Variants in ZNF683 observed in about 807,000 individuals in gnomAD.
ZNF683 encodes zinc finger protein 683.
A neutral mutation model predicts 31.4 loss-of-function variants in ZNF683; 20 were observed. The ratio of observed to expected loss-of-function variants is 0.64; its 90% CI spans 0.45 to 0.93. ZNF683 has a LOEUF of 0.93. ZNF683 is among the 40% of genes least tolerant of loss of function. The pLI is 0.00. For synonymous variants in ZNF683, 264 were observed against 267.6 expected, an observed-to-expected ratio of 0.99 and a Z score of 0.13; for missense variants, 621 against 637.2, an observed-to-expected ratio of 0.97 and a Z score of 0.27.
intron 3 of ZNF683, 61 bp downstream of exon 3, chr1:26,367,532 C>T (rs925357134): frequency 1.5e-5 from 22 of 1,449,916 alleles, no homozygotes; most frequent in Non-Finnish European, 2.0e-5. Flanking sequence ...CCAAACCTAG[C>T]AGTGCCCCCC....
Position 26,367,789 on chromosome 1 carries a change from T to A in ZNF683, c.123A>T (p.Ser41=). ...FQLFRGDQVF[S]ACRPLPDMVD... is the part of the protein sequence containing the mutation. ...CCATGTCTGGAAGTGGTCTGCAGGC[T>A]GAGAAGACCTGGAGGGCAGGGGCAA... is the stretch of plus-strand genomic sequence containing the variant. The change falls in exon 3 of 6, where the codon TCA becomes TCT. Residue 41 remains serine, a synonymous_variant. Coordinates refer to ENST00000349618, the MANE Select transcript of ZNF683 (RefSeq NM_001114759.3). 1 of 1,586,214 alleles carries A rather than the reference T, an allele frequency of 6.3e-7. No homozygotes were observed. The highest frequency in any genetic ancestry group is 8.6e-7 in the Non-Finnish European group (1 of 1,163,850).
chr1:26,374,491 G>A, upstream of ZNF683: 1 of 1,149,400 alleles, frequency 8.7e-7, no homozygotes, highest in Non-Finnish European at 1.1e-6. Flanking sequence ...CCCACGTGGA[G>A]AAGCCTCTGC....
At chr1:26,369,558 C>T (rs762401564) in intron 1 of ZNF683, among the ~76,000 whole-genome samples, 44 of 152,222 alleles carry the variant, frequency 2.9e-4, no homozygotes, top group Non-Finnish European at 5.4e-4. Flanking sequence ...ATCCCAGCTA[C>T]TCAGGAGGCT....
At position 26,368,452 on chromosome 1, in the gene ZNF683, C is replaced by A. The variant is rs748735753; in HGVS notation, c.114+6G>T. 2 of 1,578,442 alleles carry A rather than the reference C, an allele frequency of 1.3e-6. No homozygotes were observed. The highest frequency in any genetic ancestry group is 1.2e-5 in the South Asian group (1 of 85,288). On this transcript the variant is annotated splice_donor_region_variant and intron_variant, in intron 2 of 5. Transcript: ENST00000349618. ...CCACAAAGGTAAGGCTGGGGTTCTACCTTACCTGGTCACCTCGGAAGAGCT... is the reference window on the plus strand; with the variant it reads ...CCACAAAGGTAAGGCTGGGGTTCTAACTTACCTGGTCACCTCGGAAGAGCT...
In ZNF683 at chr1:26,362,036, G is replaced by A. The variant is rs1409387485; in HGVS notation, c.1144-14C>T. 6.2e-7 allele frequency: 1 copy of A among 1,613,814 alleles called. No homozygotes were observed. The highest frequency in any genetic ancestry group is 1.3e-5 in the African/African-American group (1 of 74,938). ...CTTGTGGCACACCTGACGGGAACGA[G>A]CACTGGCATCAGCTTTGTCCTCTGG... On this transcript the variant is annotated splice_polypyrimidine_tract_variant and intron_variant, in intron 5 of 5. Transcript: ENST00000349618.
chr1:26,369,541 G>A (rs1419744557), intron 1 of ZNF683, among the ~76,000 whole-genome samples: 2 of 151,982 alleles, frequency 1.3e-5, no homozygotes, highest in Non-Finnish European at 1.5e-5. Context: ...GGTGGCGCAC[G>A]CCTGTAATCC....
intron 3 of ZNF683, among the ~76,000 whole-genome samples, chr1:26,366,945 C>A (rs577037482): frequency 6.6e-6 from 1 of 152,172 alleles, no homozygotes; most frequent in Non-Finnish European, 1.5e-5. Context: ...CATGAGCCAC[C>A]GTGCCCGGCC....
chr1:26,368,426 C>T, intron 2 of ZNF683, 32 bp downstream of exon 2: 3 of 1,525,648 alleles, frequency 2.0e-6, no homozygotes, highest in Non-Finnish European at 8.8e-7. Context: ...AAGCAGACTA[C>T]CCACAAAGGT....
Position 26,367,739 on chromosome 1 carries a change from G to A in ZNF683, c.173C>T (p.Ala58Val), listed in dbSNP as rs144494120. 1 of 1,609,654 alleles carries A rather than the reference G, an allele frequency of 6.2e-7. No individual in the cohort carries two copies. Among genetic ancestry groups the A allele is most frequent in the Non-Finnish European group, 8.5e-7 (1 of 1,177,592 alleles). Residue 58 changes from alanine to valine, a missense_variant, in exon 3 of 6, where the codon GCC (alanine) becomes GTC (valine). By Grantham distance (64) the Ala-to-Val change is moderately conservative. Coordinates refer to ENST00000349618, the MANE Select transcript of ZNF683 (RefSeq NM_001114759.3). ...DMVDAHGPSC[A>V]SWLCPLPLAP... ...CAGGGGCAAGGGACACAGCCAGCTG[G>A]CACAGGATGGGCCATGAGCATCCAC...
intron 3 of ZNF683, 38 bp from the exon 4 acceptor site, chr1:26,365,264 C>G (rs1469978567): frequency 2.6e-6 from 4 of 1,537,204 alleles, no homozygotes; most frequent in Non-Finnish European, 3.5e-6. Flanking sequence ...TCCCCACAGT[C>G]TGGGGTGAAG....
At chr1:26,363,254 C>A in intron 4 of ZNF683, 100 bp from the exon 5 acceptor site, 1 of 1,417,980 alleles carries the variant, frequency 7.1e-7, no homozygotes, top group Non-Finnish European at 9.5e-7. Context: ...CCCTCCCCGT[C>A]ATCTCCCTCA....
Position 26,364,917 on chromosome 1 carries a change from G to A in ZNF683, c.629C>T (p.Ala210Val), listed in dbSNP as rs113396364. Residue 210 changes from alanine (A) to valine (V), a missense_variant, in exon 4 of 6, where the codon GCC becomes GTC. Transcript: ENST00000349618. ...GTGGGGACATTGGTCAGAAGGTAGG[G>A]CCCCATAGGTGAACAGGTGGGGTGG... Reference protein sequence around the residue: ...LPPPHLFTYGALPSDQCPHLL... With the variant: ...LPPPHLFTYGVLPSDQCPHLL... 84 of 1,547,770 alleles carry A rather than the reference G, an allele frequency of 5.4e-5. 3 individuals carry two copies. The African/African-American group carries it at 5.8e-4, about 11-fold the overall frequency.
intron 1 of ZNF683, chr1:26,370,823 T>G (rs917549961): frequency 5.5e-6 from 4 of 726,080 alleles, no homozygotes; most frequent in Admixed American, 1.3e-4. Flanking sequence ...GCAGGCAGGC[T>G]TGGGGGCCCT....
At position 26,365,152 on chromosome 1, in the gene ZNF683, C is replaced by T. The variant is rs1290488851; in HGVS notation, c.394G>A (p.Asp132Asn). The T allele has an allele frequency of 1.9e-6, 3 of 1,610,306 alleles. No individual in the cohort carries two copies. Among genetic ancestry groups the T allele is most frequent in the Non-Finnish European group, 2.5e-6 (3 of 1,178,348 alleles). Reference protein sequence around the residue: ...KFTVKYPQNKDKLGKQPERAG... With the variant: ...KFTVKYPQNKNKLGKQPERAG... ...CTTTCTGGCTGTTTTCCCAGCTTGT[C>T]CTTGTTCTGTGGGTACTTGACTGTG... The change falls in exon 4 of 6, where the codon GAC becomes AAC. Residue 132 changes from aspartate (D) to asparagine (N), a missense_variant. Transcript: ENST00000349618.
chr1:26,372,572 A>T, intron 1 of ZNF683, 97 bp downstream of exon 1: 1 of 1,305,024 alleles, frequency 7.7e-7, no homozygotes, highest in Non-Finnish European at 1.0e-6. Context: ...CTCTCCTGGC[A>T]TCACACTCTG....
rs373112907 is a variant in ZNF683, at chr1:26,364,627, C to T, written c.919G>A (p.Ala307Thr). 81 of 1,613,868 alleles carry T rather than the reference C, an allele frequency of 5.0e-5. No homozygotes were observed. The highest frequency in any genetic ancestry group is 4.8e-5 in the Non-Finnish European group (57 of 1,179,902). ...RVPLSSQTGT[A>T]ALPYPLKKKN... ...TTTTTCAGCGGGTAAGGCAAGGCTG[C>T]GGTGCCTGTCTGGGAACTCAATGGG... The change falls in exon 4 of 6, where the codon GCA becomes ACA. Residue 307 changes from alanine to threonine, a missense_variant. Transcript: ENST00000349618.
chr1:26,366,368 A>T (rs1322391370), intron 3 of ZNF683, among the ~76,000 whole-genome samples: 1 of 148,148 alleles, frequency 6.8e-6, no homozygotes, highest in Non-Finnish European at 1.5e-5. Flanking sequence ...AAAAAAAAGC[A>T]AGTTGTCTTC....
Position 26,365,056 on chromosome 1 carries a change from T to C in ZNF683, c.490A>G (p.Arg164Gly). Residue 164 changes from arginine (R) to glycine (G), a missense_variant, in exon 4 of 6, where the codon AGA becomes GGA. Transcript: ENST00000349618. ...AAAGCCAAGGGGCTGGGGCTCTTTC[T>C]GTTCTGCAGCGGTGGTGGGGAAGAG... ...NSSSPPPLQNRKSPSPLAFCP... is the reference protein window; with the variant it reads ...NSSSPPPLQNGKSPSPLAFCP... 6.2e-7 allele frequency: 1 copy of C among 1,604,512 alleles called. No homozygotes were observed. Among genetic ancestry groups the C allele is most frequent in the Non-Finnish European group, 8.5e-7 (1 of 1,175,968 alleles).
chr1:26,372,380 C>A, intron 1 of ZNF683: 1 of 934,536 alleles, frequency 1.1e-6, no homozygotes, highest in Middle Eastern at 2.7e-4. Context: ...AAACTTTTCC[C>A]CTACATGAGT....
Sources: gnomAD v4.1 joint callset for allele counts (sites outside exome capture counted in the v4.1 genomes callset) on GRCh38, gnomAD v4.1.1 for gene constraint, MANE v1.5 for transcripts, NCBI Gene and HGNC (gene_info 2026-07-23, HGNC 2026-07-21) for gene names.